The following DCAF1 variants were observed in gnomAD, a reference collection of about 807,000 sequenced individuals.
DCAF1 encodes the protein DDB1- and CUL4-associated factor 1.
DCAF1 carries 15 observed loss-of-function variants against 128.0 expected under a neutral mutation model. That is an observed-to-expected ratio of 0.12 (90% CI 0.08 to 0.18). The LOEUF (loss-of-function observed/expected upper bound fraction) is 0.18. Ranked by LOEUF, DCAF1 falls within the 10% of genes least tolerant of loss-of-function variation. The pLI is 1.00. For missense variants in DCAF1, 988 were observed against 1,649.5 expected (o/e 0.60, Z 6.95); for synonymous variants, 610 against 603.0 (o/e 1.01, Z -0.17).
intron 2 of DCAF1, among the ~76,000 whole-genome samples, chr3:51,488,631 C>T (rs1227969780): frequency 2.6e-5 from 4 of 152,162 alleles, no homozygotes; most frequent in African/African-American, 7.2e-5. Flanking sequence ...GGCGAAACCC[C>T]GTCTCTACTA....
chr3:51,493,153 A>G (rs187331151), intron 2 of DCAF1, among the ~76,000 whole-genome samples: 21 of 151,794 alleles, frequency 1.4e-4, no homozygotes, highest in Middle Eastern at 3.4e-3. Context: ...ACCCAAAAGA[A>G]CTGAAAACAA....
At chr3:51,407,984 CAAAAA>C (rs59224025) in intron 23 of DCAF1, among the ~76,000 whole-genome samples, 10 of 52,548 alleles carry the variant, frequency 1.9e-4, no homozygotes, top group South Asian at 1.1e-3. Context: ...GACTCCATCT[CAAAAA>C]AAAAAAAAAA....
intron 3 of DCAF1, among the ~76,000 whole-genome samples, chr3:51,477,424 T>C (rs1304990093): frequency 6.9e-6 from 1 of 144,244 alleles, no homozygotes; most frequent in Non-Finnish European, 1.5e-5. Flanking sequence ...TAAAATAAAC[T>C]GACCAGCCTG....
At chr3:51,410,273 C>A (rs1272288067) in intron 23 of DCAF1, among the ~76,000 whole-genome samples, 1 of 152,196 alleles carries the variant, frequency 6.6e-6, no homozygotes, top group Non-Finnish European at 1.5e-5. Flanking sequence ...CTGCAGATCA[C>A]GAATCATCTC....
chr3:51,493,055 T>C (rs1335953312), intron 2 of DCAF1, among the ~76,000 whole-genome samples: 2 of 151,530 alleles, frequency 1.3e-5, no homozygotes, highest in African/African-American at 4.8e-5. Context: ...AAAAACAGTT[T>C]GGGACTCTCT....
chr3:51,432,805 G>C (rs1262505973), intron 10 of DCAF1, among the ~76,000 whole-genome samples: 2 of 152,180 alleles, frequency 1.3e-5, no homozygotes, highest in Admixed American at 1.3e-4. Flanking sequence ...TAAGACATCG[G>C]AAAAGTGCCT....
chr3:51,412,050 C>G (rs1194637386), intron 23 of DCAF1, among the ~76,000 whole-genome samples: 2 of 139,290 alleles, frequency 1.4e-5, no homozygotes, highest in Non-Finnish European at 3.0e-5. Flanking sequence ...GAGGCAGAGA[C>G]TGCAGTGAGC....
intron 10 of DCAF1, among the ~76,000 whole-genome samples, chr3:51,430,539 G>A (rs1217783936): frequency 7.8e-5 from 1 of 12,832 alleles, no homozygotes; most frequent in African/African-American, 9.8e-5. Flanking sequence ...GAAGAGGTAA[G>A]GAACTTCTCC....
In DCAF1 at chr3:51,483,824, G is replaced by C. The variant is rs1467463520; in HGVS notation, c.5C>G (p.Thr2Ser). M[T>S]TVVVHVDSKA... The stretch of plus-strand genomic sequence containing the variant: ...GGAGTCCACATGTACCACTACTGTA[G>C]TCATGGCTTTGCCTAAGGAAGCAAA... Residue 2 changes from threonine to serine, a missense_variant, in exon 3 of 25, where the codon ACT (threonine) becomes AGT (serine). Transcript: ENST00000684031. 1.9e-6 allele frequency: 3 copies of C among 1,611,910 alleles called. No individual in the cohort carries two copies. The highest frequency in any genetic ancestry group is 1.3e-5 in the African/African-American group (1 of 74,844).
chr3:51,460,830 A>T (rs1703471755), intron 6 of DCAF1, among the ~76,000 whole-genome samples: 1 of 150,556 alleles, frequency 6.6e-6, no homozygotes, highest in African/African-American at 2.4e-5. Context: ...CTATTTAATA[A>T]ATGGTGCTGG....
chr3:51,423,494 T>A (rs1331901542), intron 13 of DCAF1, among the ~76,000 whole-genome samples: 14 of 146,136 alleles, frequency 9.6e-5, no homozygotes, highest in Non-Finnish European at 1.9e-4. Context: ...AGAGAGAGAC[T>A]CTGTCTCCAC....
chr3:51,479,719 C>G (rs1188264367), intron 3 of DCAF1, among the ~76,000 whole-genome samples: 1 of 152,142 alleles, frequency 6.6e-6, no homozygotes, highest in Non-Finnish European at 1.5e-5. Flanking sequence ...TGGTGTGAAT[C>G]TGGGAGGCAG....
At chr3:51,444,700 G>A (rs1474729544) in intron 6 of DCAF1, among the ~76,000 whole-genome samples, 1 of 147,848 alleles carries the variant, frequency 6.8e-6, no homozygotes, top group Non-Finnish European at 1.5e-5. Flanking sequence ...AATTGAGACA[G>A]AGTCTTGCTC....
In DCAF1 at chr3:51,398,776, T is replaced by C. The variant is rs2089412280; in HGVS notation, c.4517A>G (p.Asn1506Ser). 2 of 1,590,192 alleles carry C rather than the reference T, an allele frequency of 1.3e-6. No individual in the cohort carries two copies. Among genetic ancestry groups the C allele is most frequent in the Non-Finnish European group, 1.7e-6 (2 of 1,167,812 alleles). Residue 1506 changes from asparagine (N) to serine (S), a missense_variant, in exon 25 of 25, where the codon AAT (asparagine) becomes AGT (serine). Coordinates refer to ENST00000684031, the MANE Select transcript of DCAF1 (RefSeq NM_001387579.1). ...DLEDDIILSLNE is the reference protein window; with the variant it reads ...DLEDDIILSLSE ...CCAAGCAGTGATGGCTCCTCACTCA[T>C]TCAGAGATAAGATGATGTCATCTTC...
intron 3 of DCAF1, among the ~76,000 whole-genome samples, chr3:51,482,897 G>C (rs1368105524): frequency 6.6e-6 from 1 of 151,544 alleles, no homozygotes; most frequent in African/African-American, 2.4e-5. Context: ...AGCACTTTGG[G>C]AGGCCAAGGC....
At chr3:51,407,439 A>T (rs543711559) in intron 23 of DCAF1, among the ~76,000 whole-genome samples, 2 of 152,122 alleles carry the variant, frequency 1.3e-5, no homozygotes, top group Admixed American at 1.3e-4. Context: ...ATCAGTAAAG[A>T]CTCTTAACAT....
intron 3 of DCAF1, among the ~76,000 whole-genome samples, chr3:51,482,823 TTTTTTA>T (rs1553653445): frequency 6.6e-6 from 1 of 150,792 alleles, no homozygotes; most frequent in Non-Finnish European, 1.5e-5. Context: ...GAGTCTAATT[TTTTTTA>T]TTTTTATTTT....
chr3:51,453,985 C>T lies in DCAF1; in HGVS notation c.375+9129G>A, dbSNP rs149498105. On this transcript the variant is annotated intron_variant, in intron 6 of 24. Coordinates refer to ENST00000684031, the MANE Select transcript of DCAF1 (RefSeq NM_001387579.1). ...AAAAACAAGCAAGCTATGGGACATA[C>T]GCAATTCACACAGCAAATTCTTAAA... 3.3e-3 allele frequency among the ~76,000 whole-genome samples: 497 copies of T among 151,696 alleles called. 2 individuals carry two copies. The highest frequency in any genetic ancestry group is 5.4e-3 in the Non-Finnish European group (366 of 67,924).
rs782502703 is a variant in DCAF1 at position 51,420,701 on chromosome 3, G to A, written c.2269C>T (p.Leu757=). ...AGGCCCACTAGGGCTTTGCAGGCCA[G>A]GGCCCGGATTTGGTCTGCATCTGTG... is the stretch of plus-strand genomic sequence containing the variant. ...PITDADQIRA[L]ACKALVGLSR... Residue 757 remains leucine (L), a synonymous_variant, in exon 15 of 25, where the codon CTG becomes TTG. Coordinates refer to ENST00000684031, the MANE Select transcript of DCAF1 (RefSeq NM_001387579.1). The surrounding 1 kb of genome is among the most constrained non-coding windows in gnomAD (Gnocchi z 6.5). 1.3e-5 allele frequency: 21 copies of A among 1,613,920 alleles called. No homozygotes were observed. The highest frequency in any genetic ancestry group is 1.6e-5 in the Non-Finnish European group (19 of 1,179,908).
Sources: gnomAD v4.1 joint callset for allele counts (sites outside exome capture counted in the v4.1 genomes callset) on GRCh38, gnomAD v4.1.1 for gene constraint, Gnocchi (gnomAD v3.1) non-coding constraint, MANE v1.5 for transcripts, NCBI Gene and HGNC (gene_info 2026-07-23, HGNC 2026-07-21) for gene names.